Variants in INTS10 observed in about 807,000 individuals in gnomAD.
The protein encoded by INTS10 is integrator complex subunit 10.
Under a neutral mutation model 94.4 loss-of-function variants are expected in INTS10, and 44 were observed. The ratio of observed to expected loss-of-function variants is 0.47; its 90% CI spans 0.37 to 0.60. The LOEUF (loss-of-function observed/expected upper bound fraction) is 0.60. Among genes scored for constraint, INTS10 ranks in the 20% least tolerant of loss-of-function variants. The probability of loss-of-function intolerance (pLI) is 0.00; values close to 1 mark genes in which losing one functional copy is unlikely to be tolerated. For synonymous variants in INTS10, 341 were observed against 320.7 expected (o/e 1.06, Z -0.68); for missense variants, 797 against 868.7 (o/e 0.92, Z 1.04).
In INTS10 at chr8:19,819,744, A is replaced by G. The variant is rs186238420; in HGVS notation, c.301+68A>G. 812 of 1,182,104 alleles carry G rather than the reference A, an allele frequency of 6.9e-4. 4 individuals are homozygous for G. The African/African-American group carries it at 0.011, about 16-fold the overall frequency. 73.2% of individuals were successfully genotyped at this position (1,182,104 alleles called of 1,614,324 possible). A position where few individuals can be genotyped will look rare whatever the true frequency, so the allele number is the denominator to read the frequency against. On this transcript the variant is annotated intron_variant, in intron 3 of 16. Transcript: ENST00000397977. ...ATCATATATAGTAATTTCACACACA[A>G]AAAAGTCACACCTGGGGTATTGGTA...
chr8:19,822,844 G>A (rs1039817449), intron 5 of INTS10, among the ~76,000 whole-genome samples: 1 of 152,014 alleles, frequency 6.6e-6, no homozygotes, highest in African/African-American at 2.4e-5. Context: ...CAGCTACTAC[G>A]GAGGTTGAGG....
chr8:19,837,455 T>C, intron 13 of INTS10: 1 of 240,408 alleles, frequency 4.2e-6, no homozygotes, highest in Non-Finnish European at 8.1e-6. Context: ...TTTCCAAGTT[T>C]TTCCTTGGCT....
chr8:19,833,349 C>A, intron 12 of INTS10, 28 bp downstream of exon 12: 1 of 1,487,464 alleles, frequency 6.7e-7, no homozygotes, highest in Non-Finnish European at 9.0e-7. Flanking sequence ...ACATGCCTGC[C>A]GCAGGTGCAC....
At chr8:19,822,602 A>AT in intron 5 of INTS10, 82 bp downstream of exon 5, 2 of 835,076 alleles carry the variant, frequency 2.4e-6, no homozygotes, top group Middle Eastern at 6.0e-4. Flanking sequence ...AAGCTCATAT[A>AT]TGAAAGGCAA....
Position 19,817,450 on chromosome 8 carries a change from G to GGCGGCGGCGGTGGCTGCC in INTS10, c.-86_-69dup, listed in dbSNP as rs1409319754. On this transcript the variant is annotated 5_prime_UTR_variant, in exon 1 of 17. Coordinates refer to ENST00000397977, the MANE Select transcript of INTS10 (RefSeq NM_018142.4). ...CAGTAGCCTCCCCCGCGGTGGCGGCGGCGGCGGCGGTGGCTGCCGTGGCGG... is the reference window on the plus strand; with the variant it reads ...CAGTAGCCTCCCCCGCGGTGGCGGCGGCGGCGGCGGTGGCTGCCGCGGCGGCGGTGGCTGCCGTGGCGG... 785 of 1,517,550 alleles carry GGCGGCGGCGGTGGCTGCC rather than the reference G, an allele frequency of 5.2e-4. No individual in the cohort carries two copies. Among genetic ancestry groups the GGCGGCGGCGGTGGCTGCC allele is most frequent in the Non-Finnish European group, 6.4e-4 (721 of 1,134,252 alleles). 94.0% of individuals were successfully genotyped at this position (1,517,550 alleles called of 1,614,324 possible).
chr8:19,825,862 CAA>C (rs1425037326), intron 8 of INTS10, among the ~76,000 whole-genome samples: 1 of 152,090 alleles, frequency 6.6e-6, no homozygotes, highest in Non-Finnish European at 1.5e-5. Context: ...AGATACATAA[CAA>C]ATACAAAGAA....
intron 8 of INTS10, among the ~76,000 whole-genome samples, chr8:19,825,409 C>G (rs1420048912): frequency 6.6e-6 from 1 of 151,838 alleles, no homozygotes; most frequent in East Asian, 1.9e-4. Context: ...ACCTGTAATC[C>G]CAGCTACTTG....
chr8:19,823,803 T>A lies in INTS10; in HGVS notation c.665-70T>A, dbSNP rs1180517017. ...TGCATTTTCATGGGGAGTCAGACTTTCTTTATCAGGTACCATGTCAACAGT... is the reference window on the plus strand; with the variant it reads ...TGCATTTTCATGGGGAGTCAGACTTACTTTATCAGGTACCATGTCAACAGT... On this transcript the variant is annotated intron_variant, in intron 6 of 16. Coordinates refer to ENST00000397977, the MANE Select transcript of INTS10 (RefSeq NM_018142.4). 5 of 1,344,104 alleles carry A rather than the reference T, an allele frequency of 3.7e-6. No homozygotes were observed. In the African/African-American group the frequency reaches 7.4e-5, roughly 20 times the overall value. The allele number at this position is 1,344,104 out of a possible 1,614,324, so 83.3% of individuals were successfully genotyped here.
At position 19,842,878 on chromosome 8, in the gene INTS10, G is replaced by A. The variant is rs1477962699; in HGVS notation, c.1670G>A (p.Ser557Asn). The A allele has an allele frequency of 6.2e-7, 1 of 1,612,820 alleles. No individual in the cohort carries two copies. The highest frequency in any genetic ancestry group is 8.5e-7 in the Non-Finnish European group (1 of 1,178,972). The stretch of plus-strand genomic sequence containing the variant: ...GATCTGAAGCTCCTGCCTTGTACCA[G>A]CAAGGCTATCATGCCATACTGCCTC... ...GSDLKLLPCT[S>N]KAIMPYCLHL... The change falls in exon 14 of 17, where the codon AGC becomes AAC. Residue 557 changes from serine (S) to asparagine (N), a missense_variant. Ser to Asn is a conservative substitution (Grantham distance 46). Transcript: ENST00000397977.
At position 19,830,445 on chromosome 8, in the gene INTS10, C is replaced by T. The variant is rs1290558902; in HGVS notation, c.1180C>T (p.Arg394Cys). ...DEDCSAKGRNRHIVVNKAELA... is the reference protein window; with the variant it reads ...DEDCSAKGRNCHIVVNKAELA... ...AGACTGTTCGGCGAAAGGAAGAAAT[C>T]GTCACATTGTAGTCAATAAAGCCGA... The change falls in exon 10 of 17, where the codon CGT (arginine) becomes TGT (cysteine). Residue 394 changes from arginine (R) to cysteine (C), a missense_variant. This residue lies in a region of INTS10 where 734 missense variants were observed against 787.8 expected (regional missense o/e 0.93). Coordinates refer to ENST00000397977, the MANE Select transcript of INTS10 (RefSeq NM_018142.4). 8 of 1,613,852 alleles carry T rather than the reference C, an allele frequency of 5.0e-6. No homozygotes were observed. The highest frequency in any genetic ancestry group is 1.7e-5 in the Admixed American group (1 of 59,978).
At chr8:19,820,844 A>G (rs1196437460) in intron 4 of INTS10, 1 of 189,066 alleles carries the variant, frequency 5.3e-6, no homozygotes, top group Non-Finnish European at 1.1e-5. Flanking sequence ...GTCTTAACAG[A>G]TGCGTTTTTC....
At position 19,846,005 on chromosome 8, in the gene INTS10, T is replaced by A; in HGVS notation, c.1976+208T>A. On this transcript the variant is annotated intron_variant, in intron 16 of 16. Transcript: ENST00000397977. This position sits in a 1 kb window ranked among gnomAD's most constrained non-coding sequence, Gnocchi z 4.2. ...TTAAAACACTTTGCTTAAATTGGGG[T>A]ATTTTTGTCACATTTGCAACTTTTT... 1 of 461,372 alleles carries A rather than the reference T, an allele frequency of 2.2e-6. No individual in the cohort carries two copies. Among genetic ancestry groups the A allele is most frequent in the Non-Finnish European group, 3.9e-6 (1 of 256,372 alleles). 28.6% of individuals were successfully genotyped at this position (461,372 alleles called of 1,614,324 possible).
rs1306394331 is a variant in INTS10 at position 19,832,083 on chromosome 8, C to A, written c.1350C>A (p.Ile450=). 3 of 1,594,780 alleles carry A rather than the reference C, an allele frequency of 1.9e-6. No homozygotes were observed. The highest frequency in any genetic ancestry group is 2.6e-6 in the Non-Finnish European group (3 of 1,162,358). The stretch of plus-strand genomic sequence containing the variant: ...CGGATACTTGGCTTTGGTTAAGAAT[C>A]TTCCTCACTGATATGATCATCTATC... The part of the protein sequence containing the change: ...WKTDTWLWLR[I]FLTDMIIYQG... The change falls in exon 11 of 17, where the codon ATC becomes ATA. Residue 450 remains isoleucine (I), a synonymous_variant. Transcript: ENST00000397977.
rs1445549188 is a variant in INTS10, at chr8:19,846,556, G to A, written c.1976+759G>A. On this transcript the variant is annotated intron_variant, in intron 16 of 16. Transcript: ENST00000397977. This position sits in a 1 kb window ranked among gnomAD's most constrained non-coding sequence, Gnocchi z 4.2. ...ACTACCTATGAAGCCCTCCTATGCAGTCCTCATGACTTACATAACAACGAA... is the reference window on the plus strand; with the variant it reads ...ACTACCTATGAAGCCCTCCTATGCAATCCTCATGACTTACATAACAACGAA... Among the ~76,000 whole-genome samples the A allele has an allele frequency of 6.6e-6, 1 of 152,122 alleles. No individual in the cohort carries two copies. Among genetic ancestry groups the A allele is most frequent in the African/African-American group, 2.4e-5 (1 of 41,416 alleles).
chr8:19,837,072 T>C lies in INTS10; in HGVS notation c.1551T>C (p.Leu517=). 1 of 1,613,296 alleles carries C rather than the reference T, an allele frequency of 6.2e-7. No individual in the cohort carries two copies. Among genetic ancestry groups the C allele is most frequent in the Middle Eastern group, 1.7e-4 (1 of 6,060 alleles). ...TTTAGATGACATGTGAAAAAGTCCTTGATTTGATGTGCTACATGGTACTCC... is the reference window on the plus strand; with the variant it reads ...TTTAGATGACATGTGAAAAAGTCCTCGATTTGATGTGCTACATGGTACTCC... ...GEYRMTCEKV[L]DLMCYMVLPI... is the part of the protein sequence containing the mutation. Residue 517 remains leucine (L), a synonymous_variant, in exon 13 of 17, where the codon CTT becomes CTC. Transcript: ENST00000397977.
intron 15 of INTS10, 129 bp from the exon 16 acceptor site, chr8:19,845,575 C>T: frequency 1.5e-6 from 1 of 665,968 alleles, no homozygotes; most frequent in East Asian, 2.7e-5. Flanking sequence ...ATTTCCTTAT[C>T]AGAGAGAACT....
chr8:19,840,166 T>A (rs773721845), intron 13 of INTS10, among the ~76,000 whole-genome samples: 2 of 151,930 alleles, frequency 1.3e-5, no homozygotes, highest in African/African-American at 4.8e-5. Context: ...ATGAATTTTT[T>A]AAGATACTAT....
At chr8:19,833,044 C>A (rs1563397391) in intron 11 of INTS10, 125 bp from the exon 12 acceptor site, 1 of 720,956 alleles carries the variant, frequency 1.4e-6, no homozygotes, top group Non-Finnish European at 2.1e-6. Context: ...CTCAGATGAT[C>A]AAACCAAGCT....
intron 11 of INTS10, among the ~76,000 whole-genome samples, chr8:19,832,756 T>A (rs1429507563): frequency 1.3e-5 from 2 of 152,204 alleles, no homozygotes; most frequent in Non-Finnish European, 2.9e-5. Context: ...TCTTAGACCT[T>A]GAATGGAGAT....
Sources: gnomAD v4.1 joint callset for allele counts (sites outside exome capture counted in the v4.1 genomes callset) on GRCh38, gnomAD v4.1.1 for gene constraint, gnomAD v4.1.1 regional missense constraint, Gnocchi (gnomAD v3.1) non-coding constraint, MANE v1.5 for transcripts, NCBI Gene and HGNC (gene_info 2026-07-23, HGNC 2026-07-21) for gene names.